ZFPM2: variants seen among roughly 807,000 people sequenced by gnomAD.
ZFPM2 encodes the protein zinc finger protein ZFPM2.
ZFPM2 carries 20 observed loss-of-function variants against 98.6 expected under a neutral mutation model. That is an observed-to-expected ratio of 0.20 (90% CI 0.14 to 0.29). The LOEUF (loss-of-function observed/expected upper bound fraction) is 0.29, where lower values mean the gene tolerates loss of function less well. ZFPM2 is among the 10% of genes least tolerant of loss of function. The pLI is 1.00. For missense variants in ZFPM2, 1,310 were observed against 1,388.6 expected, an observed-to-expected ratio of 0.94 and a Z score of 0.90; for synonymous variants, 518 against 502.7, an observed-to-expected ratio of 1.03 and a Z score of -0.41.
chr8:105,500,060 T>C (rs966506104), intron 3 of ZFPM2, among the ~76,000 whole-genome samples: 1 of 152,226 alleles, frequency 6.6e-6, no homozygotes, highest in African/African-American at 2.4e-5. Flanking sequence ...ATCAATTGGA[T>C]TTGTCTAAAA....
chr8:105,738,131 C>T lies in ZFPM2; in HGVS notation c.533-50587C>T, dbSNP rs548476165. On this transcript the variant is annotated intron_variant, in intron 5 of 7. Coordinates refer to ENST00000407775, the MANE Select transcript of ZFPM2 (RefSeq NM_012082.4). Reference sequence around the variant, plus strand: ...TATTTCATCACCCAGGTATTAGCCTCGTATTCATTAGTTATTTTTCCTGAT... The same window carrying T: ...TATTTCATCACCCAGGTATTAGCCTTGTATTCATTAGTTATTTTTCCTGAT... 2.4e-4 allele frequency among the ~76,000 whole-genome samples: 36 copies of T among 151,902 alleles called. No homozygotes were observed. The South Asian group carries it at 5.0e-3, about 21-fold the overall frequency.
chr8:105,793,885 T>C (rs894611408), intron 6 of ZFPM2, among the ~76,000 whole-genome samples: 11 of 151,734 alleles, frequency 7.2e-5, no homozygotes, highest in Admixed American at 6.5e-4. Flanking sequence ...CTGAGGCTTC[T>C]GCATTCTTCA....
chr8:105,717,115 A>G (rs910070478), intron 5 of ZFPM2, among the ~76,000 whole-genome samples: 7 of 152,026 alleles, frequency 4.6e-5, no homozygotes, highest in African/African-American at 9.7e-5. Context: ...ATGTCTTTCA[A>G]TACTCTCTAC....
intron 3 of ZFPM2, among the ~76,000 whole-genome samples, chr8:105,544,192 A>C (rs1234380506): frequency 2.6e-5 from 4 of 152,220 alleles, no homozygotes; most frequent in African/African-American, 9.6e-5. Context: ...AAGCCTTAGT[A>C]GAATGAACAA....
intron 1 of ZFPM2, among the ~76,000 whole-genome samples, chr8:105,351,766 T>G (rs2129715261): frequency 6.7e-6 from 1 of 149,360 alleles, no homozygotes; most frequent in East Asian, 1.9e-4. Context: ...TATATGTTGT[T>G]TTTTTTTTAA....
chr8:105,596,334 T>C (rs1402797308), intron 4 of ZFPM2, among the ~76,000 whole-genome samples: 2 of 152,008 alleles, frequency 1.3e-5, no homozygotes, highest in African/African-American at 2.4e-5. Flanking sequence ...TCTTTTTCTT[T>C]CATCCCTGCA....
chr8:105,364,441 G>A (rs1810470350), intron 1 of ZFPM2, among the ~76,000 whole-genome samples: 1 of 151,886 alleles, frequency 6.6e-6, no homozygotes, highest in African/African-American at 2.4e-5. Flanking sequence ...AGGAAAAAGA[G>A]GTTCAGGGAA....
chr8:105,556,053 A>G (rs542454536), intron 3 of ZFPM2, among the ~76,000 whole-genome samples: 212 of 152,324 alleles, frequency 1.4e-3, no homozygotes, highest in African/African-American at 4.8e-3. Flanking sequence ...GGGATGGCCA[A>G]GAAGTAGCTA....
intron 5 of ZFPM2, among the ~76,000 whole-genome samples, chr8:105,642,522 C>T (rs533622889): frequency 2.0e-4 from 31 of 152,154 alleles, no homozygotes; most frequent in Non-Finnish European, 4.1e-4. Context: ...TTTGCCTTAT[C>T]CACAAAGTGT....
At chr8:105,375,883 G>A (rs1037791900) in intron 1 of ZFPM2, among the ~76,000 whole-genome samples, 1 of 152,080 alleles carries the variant, frequency 6.6e-6, no homozygotes, top group Admixed American at 6.5e-5. Context: ...GTAAATACAA[G>A]ATCATTCCAA....
chr8:105,561,604 T>A, intron 4 of ZFPM2, 123 bp downstream of exon 4: 1 of 813,854 alleles, frequency 1.2e-6, no homozygotes, highest in South Asian at 1.9e-5. Context: ...TGTTTTTGCT[T>A]TTTCGTGGAC....
rs538701421 is a variant in ZFPM2 at position 105,609,877 on chromosome 8, G to A, written c.421-24369G>A. Among the ~76,000 whole-genome samples, 13 of 152,192 alleles carry A rather than the reference G, an allele frequency of 8.5e-5. No individual in the cohort carries two copies. The South Asian group carries it at 1.2e-3, about 15-fold the overall frequency. On this transcript the variant is annotated intron_variant, in intron 4 of 7. Coordinates refer to ENST00000407775, the MANE Select transcript of ZFPM2 (RefSeq NM_012082.4). Reference sequence around the variant, plus strand: ...ATGGAAATCCTTTAATGTTGTCAAGGATTTCACCAAACTAATGCTGTAAAT... The same window carrying A: ...ATGGAAATCCTTTAATGTTGTCAAGAATTTCACCAAACTAATGCTGTAAAT...
rs1363744167 is a variant in ZFPM2, at chr8:105,380,717, ATT to A, written c.41-38426_41-38425del. 8.5e-4 allele frequency among the ~76,000 whole-genome samples: 33 copies of A among 38,904 alleles called. 3 individuals are homozygous for A. Among genetic ancestry groups the A allele is most frequent in the African/African-American group, 4.3e-3 (25 of 5,836 alleles). The allele number at this position is 38,904 out of a possible 152,430, so 25.5% of individuals were successfully genotyped here. On this transcript the variant is annotated intron_variant, in intron 1 of 7. Coordinates refer to ENST00000407775, the MANE Select transcript of ZFPM2 (RefSeq NM_012082.4). The stretch of plus-strand genomic sequence containing the variant: ...TATAACATATATAATATATATATAT[ATT>A]ATATATAACATATATATTATATATA...
chr8:105,763,929 A>G (rs561977315), intron 5 of ZFPM2, among the ~76,000 whole-genome samples: 1 of 152,004 alleles, frequency 6.6e-6, no homozygotes, highest in African/African-American at 2.4e-5. Flanking sequence ...CCAGCAGCCA[A>G]TTAGCATAGC....
intron 5 of ZFPM2, among the ~76,000 whole-genome samples, chr8:105,764,440 TA>T (rs1202117700): frequency 6.6e-6 from 1 of 151,882 alleles, no homozygotes; most frequent in Admixed American, 6.6e-5. Context: ...AGTAGAATGT[TA>T]ATAGATATTT....
chr8:105,374,862 G>A lies in ZFPM2; in HGVS notation c.41-44282G>A, dbSNP rs186683072. Among the ~76,000 whole-genome samples the A allele has an allele frequency of 5.3e-5, 8 of 151,964 alleles. No homozygotes were observed. The East Asian group carries it at 1.2e-3, about 22-fold the overall frequency. ...ATTTGTCAATATTCTTTGTAGGGTA[G>A]CTCCAGTTTATGGGAGTAAAGACAA... is the stretch of plus-strand genomic sequence containing the variant. On this transcript the variant is annotated intron_variant, in intron 1 of 7. Coordinates refer to ENST00000407775, the MANE Select transcript of ZFPM2 (RefSeq NM_012082.4).
At chr8:105,560,387 T>G (rs1815106993) in intron 3 of ZFPM2, among the ~76,000 whole-genome samples, 1 of 151,984 alleles carries the variant, frequency 6.6e-6, no homozygotes, top group South Asian at 2.1e-4. Flanking sequence ...TAAATAACAT[T>G]AAAACACAAT....
At chr8:105,521,121 G>GTA (rs747838581) in intron 3 of ZFPM2, among the ~76,000 whole-genome samples, 206 of 132,930 alleles carry the variant, frequency 1.5e-3, no homozygotes, top group African/African-American at 5.7e-3. Context: ...GTGTATGTGT[G>GTA]TATATATATA....
intron 3 of ZFPM2, among the ~76,000 whole-genome samples, chr8:105,504,748 G>C (rs1813663094): frequency 6.6e-6 from 1 of 152,136 alleles, no homozygotes; most frequent in Non-Finnish European, 1.5e-5. Context: ...TTTCTAATTA[G>C]AAATAGATGT....
Sources: gnomAD v4.1 joint callset for allele counts (sites outside exome capture counted in the v4.1 genomes callset) on GRCh38, gnomAD v4.1.1 for gene constraint, MANE v1.5 for transcripts, NCBI Gene and HGNC (gene_info 2026-07-23, HGNC 2026-07-21) for gene names.